Variants in CXorf38 observed in about 807,000 individuals in gnomAD.
The protein encoded by CXorf38 is chromosome X open reading frame 38.
In CXorf38, 13 loss-of-function variants were observed where a neutral mutation model predicts 27.5. The observed-to-expected ratio is 0.47, with a 90% CI of 0.31 to 0.75. The LOEUF is 0.75. Among genes scored for constraint, CXorf38 ranks in the 30% least tolerant of loss-of-function variants. The probability of loss-of-function intolerance (pLI) is 0.05; values close to 1 mark genes in which losing one functional copy is unlikely to be tolerated. For synonymous variants in CXorf38, 100 were observed against 99.8 expected (o/e 1.00, Z -0.01); for missense variants, 240 against 253.2 (o/e 0.95, Z 0.35).
intron 5 of CXorf38, among the ~76,000 whole-genome samples, chrX:40,631,680 C>T (rs940010973): frequency 8.9e-6 from 1 of 112,131 alleles, no homozygotes; most frequent in Non-Finnish European, 1.9e-5. Context: ...AGAAAAATAA[C>T]GGAGCACCCT....
At chrX:40,631,977 C>A (rs1170667089) in intron 5 of CXorf38, among the ~76,000 whole-genome samples, 2 of 111,579 alleles carry the variant, frequency 1.8e-5, no homozygotes, top group Non-Finnish European at 3.8e-5. Context: ...TAATACACAG[C>A]TGGAAACTAG....
rs137881059 is a variant in CXorf38 at position 40,638,301 on chromosome X, T to C, written c.471+708A>G. Among the ~76,000 whole-genome samples the C allele has an allele frequency of 1.0e-3, 113 of 112,426 alleles. 1 individual carries two copies. Among genetic ancestry groups the C allele is most frequent in the African/African-American group, 3.6e-3 (112 of 30,959 alleles). On this transcript the variant is annotated intron_variant, in intron 3 of 6. Coordinates refer to ENST00000327877, the MANE Select transcript of CXorf38 (RefSeq NM_144970.3). ...CAGTTCTTTGTTTCTGCCGATATCA[T>C]AAAGGAGTCTCAATCCTGGTAGTTG...
At chrX:40,637,224 C>T (rs1928113558) in intron 3 of CXorf38, 68 bp from the exon 4 acceptor site, 2 of 806,485 alleles carry the variant, frequency 2.5e-6, no homozygotes, top group Admixed American at 7.3e-5. Context: ...TCTTTCACTC[C>T]AAAGAAAAAA....
In CXorf38 at chrX:40,639,035, C is replaced by G; in HGVS notation, c.445G>C (p.Val149Leu). Residue 149 changes from valine to leucine, a missense_variant, in exon 3 of 7, where the codon GTG becomes CTG. Physicochemically the swap from Val to Leu is conservative, Grantham distance 32. Transcript: ENST00000327877. ...TCTGTGACTTTCTTTCGATCAACCA[C>G]GAAGTGATCGCAGGAGTTGATGAGA... ...LSLINSCDHF[V>L]VDRKKVTEVI... 8.3e-7 allele frequency: 1 copy of G among 1,210,979 alleles called. No individual in the cohort carries two copies. The highest frequency in any genetic ancestry group is 2.2e-5 in the Admixed American group (1 of 45,949).
In CXorf38 at chrX:40,644,331, G is replaced by A. The variant is rs768332436; in HGVS notation, c.351+2676C>T. On this transcript the variant is annotated intron_variant, in intron 2 of 6. Coordinates refer to ENST00000327877, the MANE Select transcript of CXorf38 (RefSeq NM_144970.3). ...GATAAGATCCAACACACGAGTGGAGGTATGAGGCAATAAGAGGAGAGACAC... is the reference window on the plus strand; with the variant it reads ...GATAAGATCCAACACACGAGTGGAGATATGAGGCAATAAGAGGAGAGACAC... 2.7e-5 allele frequency among the ~76,000 whole-genome samples: 3 copies of A among 111,950 alleles called. No homozygotes were observed. In the South Asian group the frequency reaches 1.1e-3, roughly 42 times the overall value.
intron 3 of CXorf38, among the ~76,000 whole-genome samples, chrX:40,638,610 C>A (rs934128106): frequency 4.5e-5 from 5 of 112,079 alleles, no homozygotes; most frequent in Non-Finnish European, 9.4e-5. Context: ...TGCTGGCATA[C>A]AACAGGCAGA....
Position 40,639,082 on chromosome X carries a change from C to T in CXorf38, c.398G>A (p.Cys133Tyr), listed in dbSNP as rs775409361. ...GAGACTTAAAAGAGCAACTGCATCACATTCCTCAGGTCCTTGTTTGTCTGC... is the reference window on the plus strand; with the variant it reads ...GAGACTTAAAAGAGCAACTGCATCATATTCCTCAGGTCCTTGTTTGTCTGC... ...GLADKQGPEECDAVALLSLIN... is the reference protein window; with the variant it reads ...GLADKQGPEEYDAVALLSLIN... The change falls in exon 3 of 7, where the codon TGT (cysteine) becomes TAT (tyrosine). Residue 133 changes from cysteine to tyrosine, a missense_variant. By Grantham distance (194) the Cys-to-Tyr change is radical. Transcript: ENST00000327877. 1 of 1,211,175 alleles carries T rather than the reference C, an allele frequency of 8.3e-7. No homozygotes were observed. The highest frequency in any genetic ancestry group is 2.2e-5 in the Admixed American group (1 of 46,053).
At chrX:40,635,980 G>A (rs922691672) in intron 5 of CXorf38, among the ~76,000 whole-genome samples, 2 of 112,547 alleles carry the variant, frequency 1.8e-5, no homozygotes, top group Non-Finnish European at 1.9e-5. Context: ...TTTTGGGAAT[G>A]AAGCCCAAAC....
chrX:40,639,215 T>A (rs780661631), intron 2 of CXorf38, 87 bp from the exon 3 acceptor site: 31 of 1,016,294 alleles, frequency 3.1e-5, no homozygotes, highest in Non-Finnish European at 4.2e-5. Flanking sequence ...ATTTTCCAAA[T>A]GATGACTGAA....
At chrX:40,641,332 G>A (rs1055485313) in intron 2 of CXorf38, among the ~76,000 whole-genome samples, 3 of 112,061 alleles carry the variant, frequency 2.7e-5, no homozygotes, top group Non-Finnish European at 5.6e-5. Flanking sequence ...CCATTATAAG[G>A]TAGGTCCTGT....
At chrX:40,646,817 G>A (rs946367796) in intron 2 of CXorf38, among the ~76,000 whole-genome samples, 190 bp downstream of exon 2, 1 of 111,122 alleles carries the variant, frequency 9.0e-6, no homozygotes, top group Non-Finnish European at 1.9e-5. Flanking sequence ...GAAGCAGACG[G>A]GTAGAAGAAA....
At chrX:40,632,388 T>C (rs778438418) in intron 5 of CXorf38, among the ~76,000 whole-genome samples, 1 of 112,396 alleles carries the variant, frequency 8.9e-6, no homozygotes, top group Admixed American at 9.4e-5. Flanking sequence ...CTTTTGCTCA[T>C]GGTTTCAGTT....
At position 40,647,411 on chromosome X, in the gene CXorf38, C is replaced by A; in HGVS notation, c.110G>T (p.Gly37Val). ...LLRSCLQGFV[G>V]REVLSFHRGL... Reference sequence around the variant, plus strand: ...GCGGTGGAAGGAGAGCACCTCGCGGCCGACGAAACCCTGCAGGCAGCTGCG... The same window carrying A: ...GCGGTGGAAGGAGAGCACCTCGCGGACGACGAAACCCTGCAGGCAGCTGCG... Residue 37 changes from glycine (G) to valine (V), a missense_variant, in exon 1 of 7, where the codon GGC (glycine) becomes GTC (valine). Physicochemically the swap from Gly to Val is moderately radical, Grantham distance 109 (BLOSUM62 -3). Coordinates refer to ENST00000327877, the MANE Select transcript of CXorf38 (RefSeq NM_144970.3). 8.4e-7 allele frequency: 1 copy of A among 1,188,632 alleles called. No individual in the cohort carries two copies. The highest frequency in any genetic ancestry group is 1.1e-6 in the Non-Finnish European group (1 of 887,694).
chrX:40,634,984 G>A (rs1001684998), intron 5 of CXorf38, among the ~76,000 whole-genome samples: 18 of 112,252 alleles, frequency 1.6e-4, no homozygotes, highest in Non-Finnish European at 3.2e-4. Context: ...CACAGCAGGC[G>A]GGAAGCCACA....
At position 40,627,190 on chromosome X, in the gene CXorf38, G is replaced by C. The variant is rs1026536997; in HGVS notation, c.*2974C>G. ...CTTGCTATGCATTTTTTTTTTTGGG[G>C]GGGGGGGGTTGTTTTTTAGAGACGG... is the stretch of plus-strand genomic sequence containing the variant. On this transcript the variant is annotated 3_prime_UTR_variant, in exon 7 of 7. Coordinates refer to ENST00000327877, the MANE Select transcript of CXorf38 (RefSeq NM_144970.3). 9.6e-6 allele frequency: 1 copy of C among 103,775 alleles called. No individual in the cohort carries two copies. Among genetic ancestry groups the C allele is most frequent in the Non-Finnish European group, 2.0e-5 (1 of 50,443 alleles). 8.6% of individuals were successfully genotyped at this position (103,775 alleles called of 1,213,427 possible).
chrX:40,632,769 C>T (rs762954282), intron 5 of CXorf38, among the ~76,000 whole-genome samples: 2 of 111,777 alleles, frequency 1.8e-5, no homozygotes, highest in South Asian at 7.5e-4. Flanking sequence ...TTGGCCAAGA[C>T]ATCTGACCTC....
rs772426274 is a variant in CXorf38, at chrX:40,647,013, C to T, written c.345G>A (p.Val115=). 20 of 1,209,260 alleles carry T rather than the reference C, an allele frequency of 1.7e-5. No homozygotes were observed. Among genetic ancestry groups the T allele is most frequent in the Non-Finnish European group, 2.2e-5 (20 of 894,673 alleles). ...PGRWPVDAWE[V]AKAFMPRGLA... is the part of the protein sequence containing the mutation. The stretch of plus-strand genomic sequence containing the variant: ...CCCCGCCTCAGGCGCTTACCTTGGC[C>T]ACCTCCCAGGCGTCCACGGGCCAGC... Residue 115 remains valine (V), a synonymous_variant, in exon 2 of 7, where the codon GTG becomes GTA. Transcript: ENST00000327877.
In CXorf38 at chrX:40,636,516, T is replaced by A. The variant is rs754208911; in HGVS notation, c.801+17A>T. 1.7e-6 allele frequency: 2 copies of A among 1,153,304 alleles called. No homozygotes were observed. Among genetic ancestry groups the A allele is most frequent in the Non-Finnish European group, 2.4e-6 (2 of 848,668 alleles). Reference sequence around the variant, plus strand: ...GTGTTGTTAACTCACACAGAGCCTATAACACTTTTCTTTTACCTCTTCAGG... The same window carrying A: ...GTGTTGTTAACTCACACAGAGCCTAAAACACTTTTCTTTTACCTCTTCAGG... On this transcript the variant is annotated intron_variant, in intron 5 of 6. Transcript: ENST00000327877.
At chrX:40,636,787 T>A in intron 4 of CXorf38, 75 bp from the exon 5 acceptor site, 1 of 951,471 alleles carries the variant, frequency 1.1e-6, no homozygotes, top group Non-Finnish European at 1.4e-6. Context: ...AAATAATTTA[T>A]AATTAAACAC....
Sources: allele counts gnomAD v4.1 joint callset (sites outside exome capture counted in the v4.1 genomes callset), GRCh38; gene constraint gnomAD v4.1.1; transcripts MANE v1.5; gene names NCBI Gene and HGNC (gene_info 2026-07-23, HGNC 2026-07-21).